Variants in CCDC73 observed in about 807,000 individuals in gnomAD.
CCDC73 encodes coiled-coil domain containing 73.
A neutral mutation model predicts 116.5 loss-of-function variants in CCDC73; 95 were observed. The ratio of observed to expected loss-of-function variants is 0.82; its 90% CI spans 0.69 to 0.97. CCDC73 has a LOEUF of 0.97. Among genes scored for constraint, CCDC73 ranks in the 50% least tolerant of loss-of-function variants. The probability of loss-of-function intolerance (pLI) is 0.00; values close to 1 mark genes in which losing one functional copy is unlikely to be tolerated. For missense variants in CCDC73, 1,066 were observed against 1,206.8 expected (o/e 0.88, Z 1.73); for synonymous variants, 398 against 401.3 (o/e 0.99, Z 0.10).
chr11:32,700,652 T>A (rs547330121), intron 5 of CCDC73, 139 bp downstream of exon 5: 1 of 446,276 alleles, frequency 2.2e-6, no homozygotes, highest in East Asian at 3.7e-5. Context: ...CAGTTAACCA[T>A]CTCTATTAGT....
At chr11:32,754,617 T>C (rs1340349450) in intron 2 of CCDC73, among the ~76,000 whole-genome samples, 1 of 151,828 alleles carries the variant, frequency 6.6e-6, no homozygotes, top group Non-Finnish European at 1.5e-5. Flanking sequence ...TAAGAGCAAA[T>C]AGAAATGATG....
chr11:32,642,511 AT>A (rs1855742239), intron 12 of CCDC73, among the ~76,000 whole-genome samples: 1 of 152,012 alleles, frequency 6.6e-6, no homozygotes. Context: ...TACAATTTTA[AT>A]TTTAATTTCA....
chr11:32,681,657 G>A (rs1181174414), intron 7 of CCDC73: 1 of 151,894 alleles, frequency 6.6e-6, no homozygotes, highest in Non-Finnish European at 1.5e-5. Context: ...GCTCCCCAAA[G>A]TCGTGCCTTC....
At chr11:32,750,226 A>T (rs1850275668) in intron 2 of CCDC73, among the ~76,000 whole-genome samples, 1 of 152,104 alleles carries the variant, frequency 6.6e-6, no homozygotes, top group South Asian at 2.1e-4. Flanking sequence ...AGCTTCCTGG[A>T]GTTGGGGGAC....
intron 2 of CCDC73, among the ~76,000 whole-genome samples, chr11:32,757,722 G>A (rs778052838): frequency 4.6e-5 from 7 of 152,034 alleles, no homozygotes; most frequent in Non-Finnish European, 8.8e-5. Context: ...TCTTCCAGTC[G>A]CTTTCTCTTC....
At chr11:32,805,627 A>G in the CCDC73 span, among the ~76,000 whole-genome samples, 1 of 152,236 alleles carries the variant, frequency 6.6e-6, no homozygotes, top group African/African-American at 2.4e-5. Context: ...CCTTCAGATC[A>G]GATTTATCTA....
chr11:32,642,125 T>C, intron 12 of CCDC73, 43 bp from the exon 13 acceptor site: 6 of 1,472,814 alleles, frequency 4.1e-6, no homozygotes, highest in Non-Finnish European at 5.4e-6. Context: ...AATACCACAT[T>C]AATGAATTCT....
intron 6 of CCDC73, among the ~76,000 whole-genome samples, chr11:32,691,284 G>C (rs1856256124): frequency 6.6e-6 from 1 of 152,068 alleles, no homozygotes; most frequent in South Asian, 2.1e-4. Flanking sequence ...GACCTCTGGT[G>C]ATCTGCCTGC....
chr11:32,796,342 T>C (rs1016282711), upstream of CCDC73, among the ~76,000 whole-genome samples: 27 of 152,210 alleles, frequency 1.8e-4, no homozygotes, highest in African/African-American at 6.5e-4. Flanking sequence ...ACCTTTCAAT[T>C]TGGTATTTAC....
chr11:32,821,392 C>T, the CCDC73 span, among the ~76,000 whole-genome samples: 1 of 152,272 alleles, frequency 6.6e-6, no homozygotes, highest in Admixed American at 6.5e-5. Context: ...AGTGGTTCTT[C>T]AGAGGTCATT....
intron 12 of CCDC73, among the ~76,000 whole-genome samples, chr11:32,644,974 C>T (rs1421396195): frequency 6.6e-6 from 1 of 152,110 alleles, no homozygotes; most frequent in East Asian, 1.9e-4. Flanking sequence ...TATGGATGCA[C>T]CATAGTTTGT....
intron 12 of CCDC73, among the ~76,000 whole-genome samples, chr11:32,645,142 C>T (rs1054523593): frequency 1.6e-4 from 25 of 152,150 alleles, no homozygotes; most frequent in African/African-American, 5.8e-4. Flanking sequence ...TGTCTTCCAC[C>T]TCCACATATT....
At chr11:32,645,291 C>CTTTTTTTTTTTTTTT (rs397689348) in intron 12 of CCDC73, among the ~76,000 whole-genome samples, 3 of 121,084 alleles carry the variant, frequency 2.5e-5, no homozygotes, top group South Asian at 2.5e-4. Flanking sequence ...TTTTCTTTTT[C>CTTTTTTTTTTTTTTT]TTTTTTTTTT....
chr11:32,691,433 A>C (rs1856257859), intron 6 of CCDC73, among the ~76,000 whole-genome samples: 1 of 151,950 alleles, frequency 6.6e-6, no homozygotes. Context: ...TGTTGTTTTA[A>C]TTTGTATTTC....
At chr11:32,650,297 T>C (rs1324984910) in intron 12 of CCDC73, among the ~76,000 whole-genome samples, 2 of 152,232 alleles carry the variant, frequency 1.3e-5, no homozygotes, top group Admixed American at 1.3e-4. Context: ...GATTTAATCC[T>C]AATTTTGTCA....
At chr11:32,708,749 G>A (rs1849875321) in intron 3 of CCDC73, among the ~76,000 whole-genome samples, 1 of 152,166 alleles carries the variant, frequency 6.6e-6, no homozygotes, top group African/African-American at 2.4e-5. Flanking sequence ...ACTGATTTGT[G>A]TACATTAATT....
chr11:32,672,129 G>A (rs1013216046), intron 9 of CCDC73, among the ~76,000 whole-genome samples: 1 of 152,124 alleles, frequency 6.6e-6, no homozygotes, highest in Non-Finnish European at 1.5e-5. Flanking sequence ...ATCACTTGAG[G>A]TCAGGAGTTT....
At position 32,753,963 on chromosome 11, in the gene CCDC73, TACTG is replaced by T. The variant is rs202164925; in HGVS notation, c.135+6142_135+6145del. ...ATGTATGAATGCTCCTAATACCACT[TACTG>T]ACTATTGTTCTTTTCACCCATTGAA... On this transcript the variant is annotated intron_variant, in intron 2 of 17. Coordinates refer to ENST00000335185, the MANE Select transcript of CCDC73 (RefSeq NM_001008391.4). Among the ~76,000 whole-genome samples the T allele has an allele frequency of 7.2e-3, 1,097 of 152,300 alleles. 16 individuals carry two copies. Among genetic ancestry groups the T allele is most frequent in the African/African-American group, 0.025 (1,057 of 41,562 alleles).
intron 14 of CCDC73, among the ~76,000 whole-genome samples, chr11:32,620,077 T>A (rs1399817685): frequency 6.6e-6 from 1 of 152,152 alleles, no homozygotes; most frequent in Non-Finnish European, 1.5e-5. Context: ...TCCCACAGTT[T>A]CAATGGGTCA....
Sources: gnomAD v4.1 joint callset for allele counts (sites outside exome capture counted in the v4.1 genomes callset) on GRCh38, gnomAD v4.1.1 for gene constraint, MANE v1.5 for transcripts, NCBI Gene and HGNC (gene_info 2026-07-23, HGNC 2026-07-21) for gene names.